The following ST8SIA2 variants were observed in gnomAD, a reference collection of about 807,000 sequenced individuals.
ST8SIA2 encodes ST8 alpha-N-acetyl-neuraminide alpha-2,8-sialyltransferase 2.
Under a neutral mutation model 37.6 loss-of-function variants are expected in ST8SIA2, and 22 were observed. That is an observed-to-expected ratio of 0.58 (90% CI 0.42 to 0.83). The LOEUF is 0.83. ST8SIA2 is among the 40% of genes least tolerant of loss of function. The pLI is 0.00. For missense variants in ST8SIA2, 382 were observed against 484.7 expected, an observed-to-expected ratio of 0.79 and a Z score of 1.99; for synonymous variants, 205 against 201.2, an observed-to-expected ratio of 1.02 and a Z score of -0.16.
intron 2 of ST8SIA2, among the ~76,000 whole-genome samples, chr15:92,433,280 A>G (rs1355111536): frequency 6.6e-6 from 1 of 152,280 alleles, no homozygotes. Context: ...ATGTGTCATC[A>G]CAAATCCACT....
chr15:92,400,913 A>G (rs1342665285), intron 1 of ST8SIA2, among the ~76,000 whole-genome samples: 1 of 152,202 alleles, frequency 6.6e-6, no homozygotes, highest in East Asian at 1.9e-4. Flanking sequence ...AGACGTTGAC[A>G]GTAAGAAATG....
At chr15:92,395,292 C>T (rs906275182) in intron 1 of ST8SIA2, among the ~76,000 whole-genome samples, 1 of 152,230 alleles carries the variant, frequency 6.6e-6, no homozygotes, top group Admixed American at 6.5e-5. Flanking sequence ...GCCGCGTGCG[C>T]CCCTCCTTTG....
chr15:92,425,630 G>A (rs1266867344), intron 1 of ST8SIA2, among the ~76,000 whole-genome samples: 1 of 152,196 alleles, frequency 6.6e-6, no homozygotes, highest in Non-Finnish European at 1.5e-5. Context: ...GGTTGGTCTG[G>A]AGGCAGGAGG....
At chr15:92,443,335 C>T (rs1241237638) in intron 4 of ST8SIA2, among the ~76,000 whole-genome samples, 2 of 152,156 alleles carry the variant, frequency 1.3e-5, no homozygotes, top group East Asian at 3.9e-4. Flanking sequence ...CAGTCCTAGG[C>T]ACAGGCAGGA....
chr15:92,420,346 A>C (rs1265193410), intron 1 of ST8SIA2, among the ~76,000 whole-genome samples: 1 of 152,188 alleles, frequency 6.6e-6, no homozygotes, highest in Non-Finnish European at 1.5e-5. Context: ...ATTATGAGAA[A>C]GAGGAAGGAT....
chr15:92,439,634 G>A (rs1321271161), intron 4 of ST8SIA2, among the ~76,000 whole-genome samples: 3 of 152,150 alleles, frequency 2.0e-5, no homozygotes, highest in Non-Finnish European at 4.4e-5. Context: ...GGAAGAAACC[G>A]TGTCTTTACT....
At chr15:92,414,974 C>T (rs2049576495) in intron 1 of ST8SIA2, among the ~76,000 whole-genome samples, 1 of 152,220 alleles carries the variant, frequency 6.6e-6, no homozygotes, top group Non-Finnish European at 1.5e-5. Context: ...AACCTCTCCT[C>T]CGCCCCCTTT....
At chr15:92,405,119 T>A (rs995135970) in intron 1 of ST8SIA2, among the ~76,000 whole-genome samples, 8 of 152,062 alleles carry the variant, frequency 5.3e-5, no homozygotes, top group Non-Finnish European at 7.4e-5. Flanking sequence ...AAAAGGTATA[T>A]CCATACAATG....
rs1202120815 is a variant in ST8SIA2 at position 92,451,905 on chromosome 15, T to C, written c.842+6976T>C. Among the ~76,000 whole-genome samples the C allele has an allele frequency of 2.6e-5, 4 of 152,180 alleles. 1 individual carries two copies. Among genetic ancestry groups the C allele is most frequent in the African/African-American group, 7.2e-5 (3 of 41,458 alleles). On this transcript the variant is annotated intron_variant, in intron 5 of 5. Transcript: ENST00000268164. ...CCTATTACACATAACTAGGAAATAGTGATGGCACCCTAGAGAATCATGTCA... is the reference window on the plus strand; with the variant it reads ...CCTATTACACATAACTAGGAAATAGCGATGGCACCCTAGAGAATCATGTCA...
chr15:92,406,460 A>C (rs1294447940), intron 1 of ST8SIA2, among the ~76,000 whole-genome samples: 1 of 152,210 alleles, frequency 6.6e-6, no homozygotes, highest in Non-Finnish European at 1.5e-5. Flanking sequence ...GTAGAAATGT[A>C]GTGTCTCAGG....
intron 4 of ST8SIA2, among the ~76,000 whole-genome samples, chr15:92,444,352 C>T (rs1596245520): frequency 6.6e-6 from 1 of 152,200 alleles, no homozygotes; most frequent in African/African-American, 2.4e-5. Flanking sequence ...GACTGGCTTA[C>T]TTGCTTCTTT....
chr15:92,443,530 C>T (rs144067902), intron 4 of ST8SIA2, among the ~76,000 whole-genome samples: 250 of 152,264 alleles, frequency 1.6e-3, no homozygotes, highest in African/African-American at 4.9e-3. Flanking sequence ...GCTTTCTAAT[C>T]GTGGCCAAAA....
chr15:92,442,813 C>T (rs538010657), intron 4 of ST8SIA2, among the ~76,000 whole-genome samples: 53 of 152,230 alleles, frequency 3.5e-4, no homozygotes, highest in African/African-American at 9.9e-4. Flanking sequence ...TGGGAAGACG[C>T]GATATTTTAG....
chr15:92,414,620 T>A (rs1483382817), intron 1 of ST8SIA2, among the ~76,000 whole-genome samples: 2 of 152,128 alleles, frequency 1.3e-5, no homozygotes, highest in Non-Finnish European at 2.9e-5. Flanking sequence ...AAAGAGTAAA[T>A]CCACAGCAGG....
chr15:92,416,172 A>C (rs939324511), intron 1 of ST8SIA2, among the ~76,000 whole-genome samples: 10 of 138,086 alleles, frequency 7.2e-5, no homozygotes, highest in African/African-American at 1.9e-4. Flanking sequence ...GGATGAGGGC[A>C]CTGGCACTCA....
intron 1 of ST8SIA2, among the ~76,000 whole-genome samples, chr15:92,425,807 G>T (rs1037731655): frequency 2.0e-5 from 3 of 152,120 alleles, no homozygotes; most frequent in Non-Finnish European, 4.4e-5. Flanking sequence ...TTAGGGTAGG[G>T]GAATACCTGG....
intron 1 of ST8SIA2, among the ~76,000 whole-genome samples, chr15:92,419,367 C>T (rs984706533): frequency 2.0e-5 from 3 of 152,164 alleles, no homozygotes; most frequent in African/African-American, 7.2e-5. Context: ...ATGGACTTCT[C>T]TGAATCCTGT....
At chr15:92,451,830 T>C (rs1169007100) in intron 5 of ST8SIA2, among the ~76,000 whole-genome samples, 1 of 152,182 alleles carries the variant, frequency 6.6e-6, no homozygotes, top group African/African-American at 2.4e-5. Context: ...CACGGCTGGT[T>C]AGGGACAGAT....
chr15:92,438,707 C>T, intron 4 of ST8SIA2, 97 bp downstream of exon 4: 5 of 1,444,990 alleles, frequency 3.5e-6, no homozygotes, highest in Non-Finnish European at 4.5e-6. Context: ...AAACAAGAGG[C>T]CCTGGTGGAG....
Sources: gnomAD v4.1 joint callset for allele counts (sites outside exome capture counted in the v4.1 genomes callset) on GRCh38, gnomAD v4.1.1 for gene constraint, MANE v1.5 for transcripts, NCBI Gene and HGNC (gene_info 2026-07-23, HGNC 2026-07-21) for gene names.